Variants in PPM1E observed in about 807,000 individuals in gnomAD.
PPM1E encodes protein phosphatase, Mg2+/Mn2+ dependent 1E.
Under a neutral mutation model 65.9 loss-of-function variants are expected in PPM1E, and 20 were observed. The observed-to-expected ratio is 0.30, with a 90% CI of 0.21 to 0.44. PPM1E has a LOEUF of 0.44. Among genes scored for constraint, PPM1E ranks in the 20% least tolerant of loss-of-function variants. The pLI is 1.00. For synonymous variants in PPM1E, 352 were observed against 374.9 expected (o/e 0.94, Z 0.70); for missense variants, 713 against 953.1 (o/e 0.75, Z 3.32).
chr17:58,973,484 A>T (rs2030781953), intron 6 of PPM1E, among the ~76,000 whole-genome samples: 1 of 151,534 alleles, frequency 6.6e-6, no homozygotes, highest in Admixed American at 6.6e-5. Flanking sequence ...TTAAAATTTT[A>T]TGGAAGCCTT....
Position 58,928,892 on chromosome 17 carries a change from C to T in PPM1E, c.465-26757C>T, listed in dbSNP as rs369925662. Reference sequence around the variant, plus strand: ...TAATATTTTGTATTTTTAGTAGAGACGAGGTTTCATCATGTTGGCCAGGCT... The same window carrying T: ...TAATATTTTGTATTTTTAGTAGAGATGAGGTTTCATCATGTTGGCCAGGCT... On this transcript the variant is annotated intron_variant, in intron 1 of 6. Transcript: ENST00000308249. Among the ~76,000 whole-genome samples, 97 of 151,850 alleles carry T rather than the reference C, an allele frequency of 6.4e-4. 2 individuals carry two copies. In the Middle Eastern group the frequency reaches 0.017, roughly 27 times the overall value.
chr17:58,946,049 C>T (rs954466770), intron 1 of PPM1E, among the ~76,000 whole-genome samples: 5 of 152,152 alleles, frequency 3.3e-5, no homozygotes, highest in Non-Finnish European at 5.9e-5. Flanking sequence ...TTCCAGGCCT[C>T]TTATTATGGG....
chr17:58,783,302 T>C (rs1427675295), intron 1 of PPM1E, among the ~76,000 whole-genome samples: 1 of 152,186 alleles, frequency 6.6e-6, no homozygotes. Flanking sequence ...TATATAATCC[T>C]GAATTTGGGT....
Position 58,876,409 on chromosome 17 carries a change from G to A in PPM1E, c.465-79240G>A, listed in dbSNP as rs192020936. ...ATCTCTATATTGCTTTCAGTTTTTG[G>A]CTTTCTTGAGGATAAACAAAATGTC... On this transcript the variant is annotated intron_variant, in intron 1 of 6. Coordinates refer to ENST00000308249, the MANE Select transcript of PPM1E (RefSeq NM_014906.5). 3.4e-3 allele frequency among the ~76,000 whole-genome samples: 524 copies of A among 152,104 alleles called. 6 individuals are homozygous for A. The highest frequency in any genetic ancestry group is 0.012 in the African/African-American group (514 of 41,520).
intron 1 of PPM1E, among the ~76,000 whole-genome samples, chr17:58,874,512 T>C (rs1327966003): frequency 6.6e-6 from 1 of 152,192 alleles, no homozygotes; most frequent in Non-Finnish European, 1.5e-5. Flanking sequence ...AGATGAAAAT[T>C]ATATTTTATG....
chr17:58,782,582 T>C (rs1157322003), intron 1 of PPM1E, among the ~76,000 whole-genome samples: 1 of 151,332 alleles, frequency 6.6e-6, no homozygotes, highest in Non-Finnish European at 1.5e-5. Flanking sequence ...TTTTTTTTTT[T>C]GTATTTTTTA....
intron 1 of PPM1E, among the ~76,000 whole-genome samples, chr17:58,834,787 C>T (rs1322088814): frequency 6.6e-6 from 1 of 152,030 alleles, no homozygotes; most frequent in Non-Finnish European, 1.5e-5. Context: ...ACTGTTGTGC[C>T]TCTATAGTAA....
At chr17:58,850,661 G>A (rs553124946) in intron 1 of PPM1E, among the ~76,000 whole-genome samples, 1 of 152,114 alleles carries the variant, frequency 6.6e-6, no homozygotes, top group African/African-American at 2.4e-5. Context: ...TAGTCTGATG[G>A]GCTTCCCTTT....
At chr17:58,824,865 C>T (rs1222585302) in intron 1 of PPM1E, among the ~76,000 whole-genome samples, 1 of 151,748 alleles carries the variant, frequency 6.6e-6, no homozygotes, top group Non-Finnish European at 1.5e-5. Context: ...GCCTCGGCCT[C>T]CCAAAGTGCT....
chr17:58,953,213 T>C (rs1013349025), intron 1 of PPM1E, among the ~76,000 whole-genome samples: 5 of 152,236 alleles, frequency 3.3e-5, no homozygotes, highest in African/African-American at 4.8e-5. Context: ...TTAGTCTGCT[T>C]TGAATTGCTA....
chr17:58,777,502 T>C (rs976886556), intron 1 of PPM1E, among the ~76,000 whole-genome samples: 22 of 152,206 alleles, frequency 1.4e-4, no homozygotes, highest in African/African-American at 4.8e-4. Context: ...TTTTCTTTTC[T>C]AAATATGACA....
chr17:58,856,514 A>G (rs1379806617), intron 1 of PPM1E, among the ~76,000 whole-genome samples: 2 of 152,154 alleles, frequency 1.3e-5, no homozygotes, highest in Non-Finnish European at 2.9e-5. Flanking sequence ...CACTACCTGA[A>G]TGGTAATTGT....
intron 1 of PPM1E, among the ~76,000 whole-genome samples, chr17:58,856,885 C>T (rs2050888474): frequency 6.6e-6 from 1 of 152,172 alleles, no homozygotes; most frequent in Non-Finnish European, 1.5e-5. Flanking sequence ...CAAACTAATA[C>T]AGTCATGATA....
chr17:58,848,158 T>C (rs562009089), intron 1 of PPM1E, among the ~76,000 whole-genome samples: 2 of 152,328 alleles, frequency 1.3e-5, no homozygotes, highest in South Asian at 4.1e-4. Flanking sequence ...GCATATCAGC[T>C]TAAGGAGATT....
At chr17:58,900,145 A>C (rs1598638649) in intron 1 of PPM1E, among the ~76,000 whole-genome samples, 1 of 145,862 alleles carries the variant, frequency 6.9e-6, no homozygotes, top group Middle Eastern at 3.4e-3. Flanking sequence ...AGTAATAACA[A>C]AGGATTTAGA....
intron 1 of PPM1E, among the ~76,000 whole-genome samples, chr17:58,886,142 C>T (rs1163563295): frequency 1.3e-5 from 2 of 152,188 alleles, no homozygotes; most frequent in Non-Finnish European, 2.9e-5. Context: ...ATGCTATGTA[C>T]TCCCTCTTCT....
At position 58,930,250 on chromosome 17, in the gene PPM1E, T is replaced by TACAC. The variant is rs377147999; in HGVS notation, c.465-25367_465-25364dup. On this transcript the variant is annotated intron_variant, in intron 1 of 6. Transcript: ENST00000308249. ...ACCTCTACAATAAATTAAATGTATATACACACACACACACACACACACACA... is the reference window on the plus strand; with the variant it reads ...ACCTCTACAATAAATTAAATGTATATACACACACACACACACACACACACACACA... Among the ~76,000 whole-genome samples, 257 of 143,302 alleles carry TACAC rather than the reference T, an allele frequency of 1.8e-3. 2 individuals are homozygous for TACAC. Among genetic ancestry groups the TACAC allele is most frequent in the South Asian group, 0.011 (50 of 4,432 alleles). The allele number at this position is 143,302 out of a possible 152,430, so 94.0% of individuals were successfully genotyped here. A position where few individuals can be genotyped will look rare whatever the true frequency, so the allele number is the denominator to read the frequency against.
chr17:58,860,129 GA>G (rs1191799456), intron 1 of PPM1E, among the ~76,000 whole-genome samples: 1 of 152,154 alleles, frequency 6.6e-6, no homozygotes, highest in African/African-American at 2.4e-5. Context: ...AGTTGTGGCA[GA>G]AAGATGGAAA....
intron 1 of PPM1E, among the ~76,000 whole-genome samples, chr17:58,863,299 A>G (rs1479683087): frequency 1.3e-5 from 2 of 152,182 alleles, no homozygotes; most frequent in African/African-American, 2.4e-5. Flanking sequence ...TTGCTTTCTT[A>G]GCGTGCAGCT....
Sources: gnomAD v4.1 joint callset for allele counts (sites outside exome capture counted in the v4.1 genomes callset) on GRCh38, gnomAD v4.1.1 for gene constraint, MANE v1.5 for transcripts, NCBI Gene and HGNC (gene_info 2026-07-23, HGNC 2026-07-21) for gene names.